The following CADM2 variants were observed in gnomAD, a reference collection of about 807,000 sequenced individuals.
CADM2 encodes cell adhesion molecule 2.
CADM2 carries 12 observed loss-of-function variants against 49.8 expected under a neutral mutation model. That is an observed-to-expected ratio of 0.24 (90% CI 0.15 to 0.39). The LOEUF (loss-of-function observed/expected upper bound fraction) is 0.39. Ranked by LOEUF, CADM2 falls within the 10% of genes least tolerant of loss-of-function variation. The pLI is 1.00. For missense variants in CADM2, 378 were observed against 492.3 expected, an observed-to-expected ratio of 0.77 and a Z score of 2.20; for synonymous variants, 214 against 175.4, an observed-to-expected ratio of 1.22 and a Z score of -1.74.
chr3:85,704,929 G>A (rs751627967), intron 1 of CADM2, among the ~76,000 whole-genome samples: 17 of 150,446 alleles, frequency 1.1e-4, no homozygotes, highest in South Asian at 4.2e-4. Flanking sequence ...CACGATCTTG[G>A]CTCACTGCAA....
rs371717200 is a variant in CADM2 at position 85,222,091 on chromosome 3, G to A, written c.61+262423G>A. Among the ~76,000 whole-genome samples, 28 of 152,142 alleles carry A rather than the reference G, an allele frequency of 1.8e-4. 1 individual carries two copies. The East Asian group carries it at 4.6e-3, about 25-fold the overall frequency. ...TATACACCATGCCATGTTTTTTGTC[G>A]TCGTTTTTGTATTTTGGTTAAATGT... On this transcript the variant is annotated intron_variant, in intron 1 of 9. Transcript: ENST00000383699.
chr3:85,859,298 T>C (rs2108316716), intron 3 of CADM2, among the ~76,000 whole-genome samples: 1 of 143,752 alleles, frequency 7.0e-6, no homozygotes, highest in South Asian at 2.3e-4. Flanking sequence ...TGGTGCGATC[T>C]TGGCTCACTG....
Position 85,802,118 on chromosome 3 carries a change from AG to A in CADM2, c.163del (p.Val55LeufsTer27), listed in dbSNP as rs1323734647. On this transcript the variant is annotated frameshift_variant, in exon 3 of 10. Coordinates refer to ENST00000383699, the MANE Select transcript of CADM2 (RefSeq NM_001167675.2). LOFTEE classifies it high-confidence loss of function. ...VEGGTAILTC[R>X]VDQNDNTSLQ... Reference sequence around the variant, plus strand: ...AGGTGGAACTGCAATTTTGACCTGCAGGGTTGATCAAAATGATAACACCTCC... The same window carrying A: ...AGGTGGAACTGCAATTTTGACCTGCAGGTTGATCAAAATGATAACACCTCC... The A allele has an allele frequency of 6.2e-7, 1 of 1,613,350 alleles. No homozygotes were observed. The highest frequency in any genetic ancestry group is 8.5e-7 in the Non-Finnish European group (1 of 1,179,502).
At chr3:85,207,725 T>C (rs1178917333) in intron 1 of CADM2, among the ~76,000 whole-genome samples, 1 of 152,178 alleles carries the variant, frequency 6.6e-6, no homozygotes, top group Admixed American at 6.5e-5. Flanking sequence ...ACAGAGAGTC[T>C]CTTTAAAATA....
chr3:85,075,400 T>C (rs569046291), intron 1 of CADM2, among the ~76,000 whole-genome samples: 30 of 152,112 alleles, frequency 2.0e-4, no homozygotes, highest in Non-Finnish European at 4.1e-4. Flanking sequence ...TAGGAAGTCT[T>C]CATTTAAGAG....
At chr3:85,788,373 A>C (rs925266186) in intron 2 of CADM2, among the ~76,000 whole-genome samples, 1 of 152,092 alleles carries the variant, frequency 6.6e-6, no homozygotes, top group Non-Finnish European at 1.5e-5. Context: ...TATCTATGCC[A>C]TTTTGAAATT....
chr3:86,066,009 C>A (rs567759636), intron 9 of CADM2, among the ~76,000 whole-genome samples: 1 of 152,102 alleles, frequency 6.6e-6, no homozygotes, highest in Non-Finnish European at 1.5e-5. Context: ...TAATTTATAT[C>A]TAGAACTGAA....
At chr3:85,642,569 A>G (rs1164183777) in intron 1 of CADM2, among the ~76,000 whole-genome samples, 3 of 152,184 alleles carry the variant, frequency 2.0e-5, no homozygotes, top group Admixed American at 2.0e-4. Flanking sequence ...GATTTAATCA[A>G]TTATGATGAT....
chr3:85,256,089 C>T (rs551765207), intron 1 of CADM2, among the ~76,000 whole-genome samples: 1 of 151,974 alleles, frequency 6.6e-6, no homozygotes, highest in Admixed American at 6.6e-5. Flanking sequence ...TCACTTGATT[C>T]GTGATCCCAT....
At chr3:85,113,841 T>C (rs755006015) in intron 1 of CADM2, among the ~76,000 whole-genome samples, 15 of 152,036 alleles carry the variant, frequency 9.9e-5, no homozygotes, top group Non-Finnish European at 1.6e-4. Context: ...TATAGTTAAA[T>C]GGTATCTTTC....
chr3:86,056,396 G>T (rs1194008099), intron 8 of CADM2, among the ~76,000 whole-genome samples: 1 of 152,184 alleles, frequency 6.6e-6, no homozygotes, highest in Non-Finnish European at 1.5e-5. Context: ...GAAATACCAT[G>T]TTCGGATACA....
At chr3:85,456,257 T>C (rs879000097) in intron 1 of CADM2, among the ~76,000 whole-genome samples, 1 of 152,176 alleles carries the variant, frequency 6.6e-6, no homozygotes, top group South Asian at 2.1e-4. Context: ...ACAATTGATA[T>C]CTGAGATTGA....
At chr3:85,735,975 G>T (rs893374711) in intron 2 of CADM2, among the ~76,000 whole-genome samples, 6 of 152,012 alleles carry the variant, frequency 3.9e-5, no homozygotes, top group Non-Finnish European at 8.8e-5. Flanking sequence ...AAATCATGTG[G>T]ACAGTCAATA....
At chr3:85,821,900 T>A (rs539458078) in intron 3 of CADM2, among the ~76,000 whole-genome samples, 4 of 152,194 alleles carry the variant, frequency 2.6e-5, no homozygotes, top group Non-Finnish European at 5.9e-5. Flanking sequence ...AATGTATGTA[T>A]TTGTTGAGTG....
intron 1 of CADM2, among the ~76,000 whole-genome samples, chr3:85,274,603 A>G (rs544368058): frequency 6.6e-6 from 1 of 151,510 alleles, no homozygotes; most frequent in East Asian, 1.9e-4. Context: ...AAGGTTGTCC[A>G]TTAAAGCATC....
intron 1 of CADM2, among the ~76,000 whole-genome samples, chr3:85,056,638 A>T (rs557569950): frequency 3.9e-5 from 6 of 152,204 alleles, no homozygotes; most frequent in African/African-American, 1.4e-4. Context: ...TTACTTTTGC[A>T]TTTAATATCT....
intron 1 of CADM2, among the ~76,000 whole-genome samples, chr3:85,481,677 G>T (rs1011607724): frequency 1.3e-5 from 2 of 151,620 alleles, no homozygotes; most frequent in Non-Finnish European, 3.0e-5. Context: ...GAGAAGAAAA[G>T]CATTTAATAT....
intron 3 of CADM2, among the ~76,000 whole-genome samples, chr3:85,829,530 T>A (rs1559687092): frequency 2.0e-5 from 3 of 151,994 alleles, no homozygotes; most frequent in African/African-American, 7.2e-5. Context: ...TACAACATGA[T>A]TTGATATAAG....
chr3:85,651,846 C>T (rs1008749576), intron 1 of CADM2, among the ~76,000 whole-genome samples: 2 of 148,562 alleles, frequency 1.3e-5, no homozygotes, highest in African/African-American at 5.0e-5. Flanking sequence ...GAGACAGAGT[C>T]ACGCTCTGTC....
Sources: gnomAD v4.1 joint callset for allele counts (sites outside exome capture counted in the v4.1 genomes callset) on GRCh38, gnomAD v4.1.1 for gene constraint, MANE v1.5 for transcripts, NCBI Gene and HGNC (gene_info 2026-07-23, HGNC 2026-07-21) for gene names.